Variants in ANKRD50 observed in about 807,000 individuals in gnomAD.
The protein encoded by ANKRD50 is ankyrin repeat domain 50, also known as ankyrin repeat domain-containing protein 50.
ANKRD50 carries 40 observed loss-of-function variants against 112.0 expected under a neutral mutation model. The ratio of observed to expected loss-of-function variants is 0.36; its 90% CI spans 0.28 to 0.46. The LOEUF (loss-of-function observed/expected upper bound fraction) is 0.46. Among genes scored for constraint, ANKRD50 ranks in the 20% least tolerant of loss-of-function variants. The probability of loss-of-function intolerance (pLI) is 1.00; values close to 1 mark genes in which losing one functional copy is unlikely to be tolerated. For missense variants in ANKRD50, 1,487 were observed against 1,701.7 expected (o/e 0.87, Z 2.22); for synonymous variants, 613 against 619.1 (o/e 0.99, Z 0.15).
chr4:124,677,826 T>C (rs771835119), intron 3 of ANKRD50, among the ~76,000 whole-genome samples: 3 of 151,988 alleles, frequency 2.0e-5, no homozygotes, highest in Non-Finnish European at 4.4e-5. Context: ...TTTTCTCTAA[T>C]GAGGAAAAGA....
intron 2 of ANKRD50, among the ~76,000 whole-genome samples, chr4:124,687,218 A>G (rs1030460916): frequency 2.7e-4 from 41 of 152,328 alleles, no homozygotes; most frequent in African/African-American, 8.9e-4. Context: ...GATTTTTCAC[A>G]AAGTTGTAGA....
chr4:124,711,542 G>A (rs949069531), intron 1 of ANKRD50, among the ~76,000 whole-genome samples: 1 of 152,098 alleles, frequency 6.6e-6, no homozygotes, highest in Non-Finnish European at 1.5e-5. Flanking sequence ...GCAAAGGAGG[G>A]GGGGAGAAAC....
intron 2 of ANKRD50, among the ~76,000 whole-genome samples, chr4:124,700,991 T>G (rs1420012590): frequency 6.6e-6 from 1 of 151,750 alleles, no homozygotes; most frequent in Non-Finnish European, 1.5e-5. Context: ...TGAGATGGAG[T>G]TTTGCTCTTG....
intron 3 of ANKRD50, among the ~76,000 whole-genome samples, chr4:124,675,484 G>T (rs1314254642): frequency 2.0e-5 from 3 of 151,580 alleles, no homozygotes; most frequent in African/African-American, 4.8e-5. Context: ...AAGACAATAT[G>T]GTGACACTGA....
chr4:124,693,386 A>G (rs1725177925), intron 2 of ANKRD50, among the ~76,000 whole-genome samples: 1 of 152,150 alleles, frequency 6.6e-6, no homozygotes, highest in Non-Finnish European at 1.5e-5. Flanking sequence ...AGAAAAATCA[A>G]TAGATGGCAG....
chr4:124,706,092 G>T (rs2110528970), intron 2 of ANKRD50, among the ~76,000 whole-genome samples: 1 of 152,110 alleles, frequency 6.6e-6, no homozygotes, highest in South Asian at 2.1e-4. Flanking sequence ...TATTTACTCT[G>T]ATGGTTATTT....
In ANKRD50 at chr4:124,706,854, A is replaced by G. The variant is rs185110542; in HGVS notation, c.512+3146T>C. On this transcript the variant is annotated intron_variant, in intron 2 of 4. Transcript: ENST00000504087. ...CTACACTTGAGCAAAAGTATCTAAC[A>G]CAAAGTTTATTTTATAATGAAGTGT... Among the ~76,000 whole-genome samples the G allele has an allele frequency of 1.8e-4, 28 of 152,212 alleles. No homozygotes were observed. The East Asian group carries it at 5.0e-3, about 27-fold the overall frequency.
At chr4:124,683,815 C>T (rs1578580735) in intron 2 of ANKRD50, among the ~76,000 whole-genome samples, 1 of 141,646 alleles carries the variant, frequency 7.1e-6, no homozygotes, top group African/African-American at 2.6e-5. Context: ...CACCATTTGT[C>T]ATTTTTCTTT....
At chr4:124,700,848 G>A (rs1398190103) in intron 2 of ANKRD50, among the ~76,000 whole-genome samples, 1 of 152,120 alleles carries the variant, frequency 6.6e-6, no homozygotes, top group African/African-American at 2.4e-5. Flanking sequence ...TTCTCATTGT[G>A]GTGGCAGAAG....
chr4:124,708,254 G>T (rs1725549867), intron 2 of ANKRD50, among the ~76,000 whole-genome samples: 1 of 152,084 alleles, frequency 6.6e-6, no homozygotes, highest in East Asian at 1.9e-4. Flanking sequence ...TCTGTACAGT[G>T]ATTCCATATT....
chr4:124,672,435 C>T lies in ANKRD50; in HGVS notation c.842G>A (p.Arg281Gln), dbSNP rs775282610. 3.1e-6 allele frequency: 5 copies of T among 1,612,822 alleles called. No homozygotes were observed. Among genetic ancestry groups the T allele is most frequent in the African/African-American group, 1.3e-5 (1 of 74,940 alleles). Residue 281 changes from arginine (R) to glutamine (Q), a missense_variant, in exon 4 of 5, where the codon CGA becomes CAA. Around this residue, in one of 2 missense-constraint regions of ANKRD50, gnomAD observed 1,046 missense variants for 1,269.5 expected, o/e 0.82. Transcript: ENST00000504087. ...LHRLDQEEAL[R>Q]QHLTKETAEM... ...TGCAGTTTCTTTTGTGAGGTGTTGT[C>T]GCAAAGCTTCTTCTTGATCTAAACG...
rs377178146 is a variant in ANKRD50, at chr4:124,685,863, T to C, written c.513-6958A>G. On this transcript the variant is annotated intron_variant, in intron 2 of 4. Transcript: ENST00000504087. The stretch of plus-strand genomic sequence containing the variant: ...CATCCTTCTGTAGCTAGCCTTTTGA[T>C]TGATTTACTTAATTTTTTTAAAAAG... 7.9e-5 allele frequency among the ~76,000 whole-genome samples: 12 copies of C among 152,276 alleles called. No homozygotes were observed. In the East Asian group the frequency reaches 1.4e-3, roughly 17 times the overall value.
intron 2 of ANKRD50, among the ~76,000 whole-genome samples, chr4:124,685,882 T>A (rs1445193931): frequency 6.6e-6 from 1 of 152,168 alleles, no homozygotes; most frequent in Non-Finnish European, 1.5e-5. Flanking sequence ...TTAATTTTTT[T>A]AAAAAGTGAC....
At chr4:124,678,067 A>T (rs1724771000) in intron 3 of ANKRD50, among the ~76,000 whole-genome samples, 1 of 152,112 alleles carries the variant, frequency 6.6e-6, no homozygotes. Context: ...CGCTTACAGA[A>T]AATTATTTTA....
chr4:124,710,361 G>C lies in ANKRD50; in HGVS notation c.151C>G (p.Pro51Ala). ...SNCCNSAVNA[P>A]SLVMNSGNNA... The stretch of plus-strand genomic sequence containing the variant: ...TTCCCAGAATTCATTACAAGTGATG[G>C]TGCATTGACAGCACTATTGCAGCAG... The change falls in exon 2 of 5, where the codon CCA (proline) becomes GCA (alanine). Residue 51 changes from proline (P) to alanine (A), a missense_variant. Physicochemically the swap from Pro to Ala is conservative, Grantham distance 27. Transcript: ENST00000504087. The C allele has an allele frequency of 6.2e-7, 1 of 1,614,136 alleles. No individual in the cohort carries two copies. Among genetic ancestry groups the C allele is most frequent in the South Asian group, 1.1e-5 (1 of 91,082 alleles).
At chr4:124,681,105 CTA>C (rs1330909200) in intron 2 of ANKRD50, among the ~76,000 whole-genome samples, 1 of 151,768 alleles carries the variant, frequency 6.6e-6, no homozygotes, top group Non-Finnish European at 1.5e-5. Flanking sequence ...TAGGGTAAGT[CTA>C]GAAGGAAAGA....
In ANKRD50 at chr4:124,669,216, T is replaced by A; in HGVS notation, c.4061A>T (p.Glu1354Val). Reference protein sequence around the residue: ...QQFLIHQQSGEQKKRNGIMTN... With the variant: ...QQFLIHQQSGVQKKRNGIMTN... ...CATTATTCCATTTCTCTTCTTCTGT[T>A]CCCCACTTTGTTGGTGAATAAGAAA... The change falls in exon 4 of 5, where the codon GAA (glutamate) becomes GTA (valine). Residue 1354 changes from glutamate to valine, a missense_variant. Transcript: ENST00000504087. 1 of 1,613,696 alleles carries A rather than the reference T, an allele frequency of 6.2e-7. No homozygotes were observed. Among genetic ancestry groups the A allele is most frequent in the African/African-American group, 1.3e-5 (1 of 74,986 alleles).
intron 3 of ANKRD50, among the ~76,000 whole-genome samples, chr4:124,675,118 CT>C (rs1730743391): frequency 6.6e-6 from 1 of 151,736 alleles, no homozygotes; most frequent in South Asian, 2.1e-4. Context: ...CTCCCTATTT[CT>C]TTTCTATTCT....
chr4:124,712,202 G>A (rs1725651923), intron 1 of ANKRD50, among the ~76,000 whole-genome samples: 1 of 152,068 alleles, frequency 6.6e-6, no homozygotes, highest in African/African-American at 2.4e-5. Context: ...TTTTGAAGGG[G>A]GAGGGGGTGA....
Sources: allele counts gnomAD v4.1 joint callset (sites outside exome capture counted in the v4.1 genomes callset), GRCh38; gene constraint gnomAD v4.1.1; regional missense constraint gnomAD v4.1.1; transcripts MANE v1.5; gene names NCBI Gene and HGNC (gene_info 2026-07-23, HGNC 2026-07-21).